CCDC102B: variants seen among roughly 807,000 people sequenced by gnomAD.
CCDC102B encodes coiled-coil domain-containing protein 102B.
CCDC102B carries 75 observed loss-of-function variants against 57.4 expected under a neutral mutation model. The ratio of observed to expected loss-of-function variants is 1.31; its 90% CI spans 1.08 to 1.58. The LOEUF (loss-of-function observed/expected upper bound fraction) is 1.58. Among genes scored for constraint, CCDC102B ranks in the 40% most tolerant of loss-of-function variants. CCDC102B has a pLI of 0.00. For missense variants in CCDC102B, 636 were observed against 582.6 expected (o/e 1.09, Z -0.94); for synonymous variants, 206 against 201.9 (o/e 1.02, Z -0.17).
intron 2 of CCDC102B, among the ~76,000 whole-genome samples, chr18:68,788,117 G>T (rs927107251): frequency 2.8e-4 from 43 of 152,132 alleles, no homozygotes; most frequent in African/African-American, 9.6e-4. Flanking sequence ...AGATTGTTCA[G>T]TTTCCATGTA....
At chr18:68,813,631 C>T (rs921876592) in intron 1 of CCDC102B, among the ~76,000 whole-genome samples, 7 of 151,656 alleles carry the variant, frequency 4.6e-5, no homozygotes, top group African/African-American at 9.7e-5. Context: ...TAAAGGAGGC[C>T]GGGAGAGTGG....
intron 2 of CCDC102B, among the ~76,000 whole-genome samples, chr18:68,764,201 T>C (rs1306232208): frequency 6.6e-6 from 1 of 152,130 alleles, no homozygotes; most frequent in African/African-American, 2.4e-5. Context: ...TTATTTCCCT[T>C]CCGTATACTT....
chr18:68,886,376 G>GA (rs923258126), intron 5 of CCDC102B, among the ~76,000 whole-genome samples: 8 of 150,806 alleles, frequency 5.3e-5, no homozygotes, highest in African/African-American at 1.2e-4. Context: ...TTCAGTAAAT[G>GA]AAAAAAAAAT....
chr18:68,991,591 A>C (rs2050868412), intron 6 of CCDC102B, among the ~76,000 whole-genome samples: 1 of 152,222 alleles, frequency 6.6e-6, no homozygotes, highest in Admixed American at 6.5e-5. Context: ...GATTCCATCT[A>C]AAATTTTGGT....
At chr18:68,960,777 A>G (rs888389086) in intron 6 of CCDC102B, among the ~76,000 whole-genome samples, 7 of 152,294 alleles carry the variant, frequency 4.6e-5, no homozygotes, top group African/African-American at 1.4e-4. Context: ...GTAGCTTTGC[A>G]CTGTGACAGG....
At chr18:68,866,897 C>A in intron 4 of CCDC102B, 3 of 625,722 alleles carry the variant, frequency 4.8e-6, no homozygotes, top group Admixed American at 1.9e-5. Context: ...TCTCATGTAT[C>A]ACACCTGGAG....
intron 7 of CCDC102B, among the ~76,000 whole-genome samples, chr18:69,017,131 T>G (rs1044412641): frequency 6.6e-6 from 1 of 152,182 alleles, no homozygotes; most frequent in African/African-American, 2.4e-5. Context: ...TTTGTTTATT[T>G]TTGAGACATG....
intron 2 of CCDC102B, among the ~76,000 whole-genome samples, chr18:68,732,467 C>G (rs1430085591): frequency 6.6e-6 from 1 of 151,932 alleles, no homozygotes; most frequent in Admixed American, 6.6e-5. Context: ...GCCTCAGCCT[C>G]CCGAGTAGCT....
intron 6 of CCDC102B, among the ~76,000 whole-genome samples, chr18:68,952,214 A>G (rs1261393988): frequency 2.0e-5 from 3 of 148,530 alleles, no homozygotes; most frequent in Middle Eastern, 3.5e-3. Context: ...TGGCTCATGC[A>G]ATATTTTTTT....
intron 2 of CCDC102B, among the ~76,000 whole-genome samples, chr18:68,770,166 T>C (rs898360260): frequency 6.6e-6 from 1 of 152,210 alleles, no homozygotes; most frequent in African/African-American, 2.4e-5. Flanking sequence ...TGAGGGACCA[T>C]GTGAATATTT....
At chr18:68,715,729 T>C (rs368782875) in intron 1 of CCDC102B, 1 of 152,330 alleles carries the variant, frequency 6.6e-6, no homozygotes, top group East Asian at 1.9e-4. Context: ...TAGTATGAAA[T>C]ATTTATATTG....
intron 1 of CCDC102B, among the ~76,000 whole-genome samples, chr18:68,819,074 A>G (rs1474641177): frequency 6.6e-6 from 1 of 152,138 alleles, no homozygotes; most frequent in African/African-American, 2.4e-5. Flanking sequence ...TCTGTTGACA[A>G]TGTCTTTCTT....
At chr18:68,720,964 C>T (rs1183274131) in intron 2 of CCDC102B, 2 of 152,176 alleles carry the variant, frequency 1.3e-5, no homozygotes, top group Non-Finnish European at 2.9e-5. Flanking sequence ...ATCCCAGTTG[C>T]TTTGGAGGCT....
At chr18:68,965,141 T>C (rs1380257142) in intron 6 of CCDC102B, among the ~76,000 whole-genome samples, 1 of 151,974 alleles carries the variant, frequency 6.6e-6, no homozygotes, top group East Asian at 1.9e-4. Context: ...TTCTAGTACA[T>C]TTTCACCTAT....
At chr18:68,793,615 A>G (rs72958029), upstream of CCDC102B, among the ~76,000 whole-genome samples, 19,801 of 151,880 alleles carry the variant, frequency 0.13, 1,531 homozygotes, top group East Asian at 0.3. Flanking sequence ...CCATCCATCC[A>G]TCCATCCATC....
chr18:68,866,053 C>A (rs966635993), intron 4 of CCDC102B, among the ~76,000 whole-genome samples: 2 of 151,964 alleles, frequency 1.3e-5, no homozygotes, highest in Non-Finnish European at 2.9e-5. Context: ...CATGAACACA[C>A]AAATTAATTG....
intron 1 of CCDC102B, 66 bp downstream of exon 1, chr18:68,798,247 A>G (rs2035704484): frequency 6.6e-6 from 1 of 152,156 alleles, no homozygotes; most frequent in Admixed American, 6.6e-5. Context: ...GAGGTACAGC[A>G]TGTGTTGTTC....
intron 1 of CCDC102B, among the ~76,000 whole-genome samples, chr18:68,836,330 G>C (rs2037364059): frequency 6.6e-6 from 1 of 152,044 alleles, no homozygotes; most frequent in African/African-American, 2.4e-5. Flanking sequence ...GGAAAAATAT[G>C]CAATATTGAA....
chr18:68,883,127 GTA>G (rs2039752378), intron 5 of CCDC102B, among the ~76,000 whole-genome samples: 2 of 152,074 alleles, frequency 1.3e-5, no homozygotes, highest in Admixed American at 1.3e-4. Context: ...AAACTTAAAA[GTA>G]TATATAAAAG....
Sources: gnomAD v4.1 joint callset for allele counts (sites outside exome capture counted in the v4.1 genomes callset) on GRCh38, gnomAD v4.1.1 for gene constraint, MANE v1.5 for transcripts, NCBI Gene and HGNC (gene_info 2026-07-23, HGNC 2026-07-21) for gene names.